The following SYNE1 variants were observed in gnomAD, a reference collection of about 807,000 sequenced individuals.
SYNE1 encodes nesprin-1.
In SYNE1, 616 loss-of-function variants were observed where a neutral mutation model predicts 1,111.0. That is an observed-to-expected ratio of 0.55 (90% confidence interval 0.52 to 0.59). SYNE1 has a LOEUF of 0.59. Ranked by LOEUF, SYNE1 falls within the 20% of genes least tolerant of loss-of-function variation. The probability of loss-of-function intolerance (pLI) is 0.00; values close to 1 mark genes in which losing one functional copy is unlikely to be tolerated. For synonymous variants in SYNE1, 3,855 were observed against 3,825.8 expected, an observed-to-expected ratio of 1.01 and a Z score of -0.28; for missense variants, 10,006 against 10,417.0, an observed-to-expected ratio of 0.96 and a Z score of 1.72.
intron 2 of SYNE1, among the ~76,000 whole-genome samples, chr6:152,632,267 C>T (rs557349939): frequency 5.9e-5 from 9 of 152,280 alleles, no homozygotes; most frequent in Admixed American, 4.6e-4. Flanking sequence ...TAATACTTTA[C>T]ATTTATGAGA....
chr6:152,367,319 C>G lies in SYNE1; in HGVS notation c.9871G>C (p.Glu3291Gln), dbSNP rs2097099447. 2 of 1,614,062 alleles carry G rather than the reference C, an allele frequency of 1.2e-6. No individual in the cohort carries two copies. The highest frequency in any genetic ancestry group is 1.3e-5 in the African/African-American group (1 of 74,934). The change falls in exon 62 of 146, where the codon GAA becomes CAA. Residue 3291 changes from glutamate to glutamine, a missense_variant. Glu to Gln is a conservative substitution (Grantham distance 29). Coordinates refer to ENST00000367255, the MANE Select transcript of SYNE1 (RefSeq NM_182961.4). ...GCATCCGTCATCCAGTCTTGTAATT[C>G]TTTAATCCCAAGAGAGAACTGATTG... ...EHNQFSLGIK[E>Q]LQDWMTDAIH... is the part of the protein sequence containing the mutation.
intron 3 of SYNE1, among the ~76,000 whole-genome samples, chr6:152,619,330 A>T (rs2099669924): frequency 6.6e-6 from 1 of 152,148 alleles, no homozygotes; most frequent in Non-Finnish European, 1.5e-5. Context: ...GATCCAACAT[A>T]AACAGGGTCA....
At chr6:152,325,036 T>C (rs1330570559) in intron 81 of SYNE1, 48 bp downstream of exon 81, 1 of 1,601,008 alleles carries the variant, frequency 6.2e-7, no homozygotes, top group Non-Finnish European at 8.5e-7. Context: ...CAAAATACAT[T>C]ATAATTAGTG....
chr6:152,407,668 A>G, intron 44 of SYNE1, among the ~76,000 whole-genome samples: 1 of 152,142 alleles, frequency 6.6e-6, no homozygotes, highest in East Asian at 1.9e-4. Context: ...ATAAAATAGT[A>G]TTGCTTATCA....
At chr6:152,275,752 G>A (rs969968640) in intron 98 of SYNE1, among the ~76,000 whole-genome samples, 14 of 151,190 alleles carry the variant, frequency 9.3e-5, no homozygotes, top group African/African-American at 2.2e-4. Flanking sequence ...CAGGTGGTGC[G>A]CGCCTATAGT....
At chr6:152,243,293 C>G (rs577350394) in intron 106 of SYNE1, among the ~76,000 whole-genome samples, 1 of 152,122 alleles carries the variant, frequency 6.6e-6, no homozygotes, top group South Asian at 2.1e-4. Context: ...GGGACTACCC[C>G]TCAAACAAAG....
chr6:152,408,196 T>C (rs984897330), intron 44 of SYNE1, among the ~76,000 whole-genome samples: 4 of 152,228 alleles, frequency 2.6e-5, no homozygotes, highest in Non-Finnish European at 5.9e-5. Context: ...CATCTGAAAC[T>C]AGATTTTGAT....
At chr6:152,533,928 G>T (rs1053589432) in intron 4 of SYNE1, among the ~76,000 whole-genome samples, 1 of 152,092 alleles carries the variant, frequency 6.6e-6, no homozygotes, top group African/African-American at 2.4e-5. Flanking sequence ...GGAGGCTGAG[G>T]TTGGTGAATT....
At chr6:152,339,412 A>C in intron 74 of SYNE1, 46 bp from the exon 75 acceptor site, 1 of 1,608,412 alleles carries the variant, frequency 6.2e-7, no homozygotes, top group South Asian at 1.1e-5. Context: ...TCAGCTATTT[A>C]GATAGCAAAT....
Position 152,395,416 on chromosome 6 carries a change from C to A in SYNE1, c.7712+100G>T. On this transcript the variant is annotated intron_variant, in intron 51 of 145. Coordinates refer to ENST00000367255, the MANE Select transcript of SYNE1 (RefSeq NM_182961.4). ...CAAGGACAGCACAAACCACTACCCACAAACCAACTAACTAACCAATCAAAA... is the reference window on the plus strand; with the variant it reads ...CAAGGACAGCACAAACCACTACCCAAAAACCAACTAACTAACCAATCAAAA... The A allele has an allele frequency of 2.3e-6, 3 of 1,307,134 alleles. No individual in the cohort carries two copies. In the South Asian group the frequency reaches 4.1e-5, roughly 18 times the overall value. 81.0% of individuals were successfully genotyped at this position (1,307,134 alleles called of 1,614,324 possible).
intron 93 of SYNE1, among the ~76,000 whole-genome samples, chr6:152,294,906 T>C (rs1166646199): frequency 6.6e-6 from 1 of 152,116 alleles, no homozygotes; most frequent in Non-Finnish European, 1.5e-5. Context: ...TGTATTTCAG[T>C]AGAAATTTAA....
chr6:152,435,768 T>C lies in SYNE1; in HGVS notation c.4310+173A>G, dbSNP rs1017009521. Reference sequence around the variant, plus strand: ...TATTTTTTGGGCTCTGTTATAGATATTGGTTTCTGTATTAGCGATACTTTC... The same window carrying C: ...TATTTTTTGGGCTCTGTTATAGATACTGGTTTCTGTATTAGCGATACTTTC... On this transcript the variant is annotated intron_variant, in intron 33 of 145. Coordinates refer to ENST00000367255, the MANE Select transcript of SYNE1 (RefSeq NM_182961.4). The C allele has an allele frequency of 7.8e-6, 6 of 768,192 alleles. No homozygotes were observed. The African/African-American group carries it at 8.8e-5, about 11-fold the overall frequency. 47.6% of individuals were successfully genotyped at this position (768,192 alleles called of 1,614,324 possible).
At chr6:152,594,970 C>G (rs955441466) in intron 3 of SYNE1, among the ~76,000 whole-genome samples, 1 of 152,186 alleles carries the variant, frequency 6.6e-6, no homozygotes, top group Admixed American at 6.5e-5. Flanking sequence ...ATGACATGAC[C>G]TTTCAGCACA....
chr6:152,350,103 C>A, intron 72 of SYNE1, 65 bp downstream of exon 72: 1 of 1,590,804 alleles, frequency 6.3e-7, no homozygotes, highest in East Asian at 2.2e-5. Context: ...CACACATGCA[C>A]AGACACATGC....
chr6:152,472,207 T>C (rs2098809968), intron 15 of SYNE1, 94 bp downstream of exon 15: 2 of 1,150,150 alleles, frequency 1.7e-6, no homozygotes. Context: ...GGCGCCTCTG[T>C]TAAAAAAAAA....
chr6:152,439,073 T>A (rs2098503305), intron 32 of SYNE1, among the ~76,000 whole-genome samples: 1 of 152,240 alleles, frequency 6.6e-6, no homozygotes, highest in Non-Finnish European at 1.5e-5. Flanking sequence ...AGGACTGTTT[T>A]GAGGATTAAA....
chr6:152,265,083 G>A (rs58297095), intron 100 of SYNE1, among the ~76,000 whole-genome samples: 8,336 of 151,550 alleles, frequency 0.055, 312 homozygotes, highest in Middle Eastern at 0.1. Context: ...GTGGGCACCT[G>A]TAATCCCAGC....
intron 117 of SYNE1, among the ~76,000 whole-genome samples, chr6:152,223,282 A>G (rs2080623484): frequency 6.6e-6 from 1 of 152,184 alleles, no homozygotes; most frequent in African/African-American, 2.4e-5. Flanking sequence ...TTATATAGAC[A>G]AATTTGTCCT....
intron 78 of SYNE1, among the ~76,000 whole-genome samples, chr6:152,328,093 C>G (rs2096129351): frequency 6.6e-6 from 1 of 152,078 alleles, no homozygotes; most frequent in Admixed American, 6.6e-5. Context: ...AGACCCAATG[C>G]TAAGAAGATA....
Sources: allele counts gnomAD v4.1 joint callset (sites outside exome capture counted in the v4.1 genomes callset), GRCh38; gene constraint gnomAD v4.1.1; transcripts MANE v1.5; gene names NCBI Gene and HGNC (gene_info 2026-07-23, HGNC 2026-07-21).